The following CNIH4 variants were observed in gnomAD, a reference collection of about 807,000 sequenced individuals.
The protein encoded by CNIH4 is protein cornichon homolog 4.
A neutral mutation model predicts 21.5 loss-of-function variants in CNIH4; 9 were observed. The observed-to-expected ratio is 0.42, with a 90% CI of 0.25 to 0.73. CNIH4 has a LOEUF of 0.73. Among genes scored for constraint, CNIH4 ranks in the 30% least tolerant of loss-of-function variants. The pLI is 0.27. For missense variants in CNIH4, 159 were observed against 170.0 expected, an observed-to-expected ratio of 0.94 and a Z score of 0.36; for synonymous variants, 67 against 59.1, an observed-to-expected ratio of 1.13 and a Z score of -0.61.
chr1:224,370,725 T>C (rs773062449), intron 3 of CNIH4, among the ~76,000 whole-genome samples: 46 of 152,186 alleles, frequency 3.0e-4, no homozygotes, highest in Non-Finnish European at 6.3e-4. Flanking sequence ...GCATAAAATA[T>C]CCTTTTCTGG....
rs566075153 is a variant in CNIH4 at position 224,361,728 on chromosome 1, G to A, written c.138+1165G>A. ...CTCCCATGTAGGTGGGACTACAGGT[G>A]TGTGCCACCATACCTGGCTGATTTT... On this transcript the variant is annotated intron_variant, in intron 2 of 4. Transcript: ENST00000465271. Among the ~76,000 whole-genome samples the A allele has an allele frequency of 4.6e-5, 7 of 151,940 alleles. No homozygotes were observed. The East Asian group carries it at 1.4e-3, about 30-fold the overall frequency.
intron 1 of CNIH4, chr1:224,357,343 G>A: frequency 4.6e-6 from 1 of 216,120 alleles, no homozygotes; most frequent in East Asian, 1.1e-4. Flanking sequence ...AGCCACGGCC[G>A]CCCTCGGGAG....
Position 224,376,952 on chromosome 1 carries a change from G to A in CNIH4, c.*1130G>A, listed in dbSNP as rs2102873070. On this transcript the variant is annotated 3_prime_UTR_variant, in exon 5 of 5. Transcript: ENST00000465271. ...TTTGGGCAAAACATGACTGTGTTCT[G>A]TGGGAGAATCCAAAGGCATTATTCA... 4.1e-6 allele frequency: 4 copies of A among 974,826 alleles called. No homozygotes were observed. Among genetic ancestry groups the A allele is most frequent in the Non-Finnish European group, 4.9e-6 (4 of 820,270 alleles). 60.4% of individuals were successfully genotyped at this position (974,826 alleles called of 1,614,324 possible). A position where few individuals can be genotyped will look rare whatever the true frequency, so the allele number is the denominator to read the frequency against.
chr1:224,359,323 T>C (rs1484521951), intron 1 of CNIH4, among the ~76,000 whole-genome samples: 1 of 152,192 alleles, frequency 6.6e-6, no homozygotes, highest in African/African-American at 2.4e-5. Flanking sequence ...ATAAACCAAC[T>C]GGATAGGGTC....
At chr1:224,360,403 C>T in intron 1 of CNIH4, 92 bp from the exon 2 acceptor site, 1 of 619,914 alleles carries the variant, frequency 1.6e-6, no homozygotes, top group Non-Finnish European at 2.6e-6. Context: ...CAAGTCAAAT[C>T]TAATTCTGCC....
chr1:224,368,827 T>G (rs1186158045), intron 3 of CNIH4, among the ~76,000 whole-genome samples: 1 of 151,928 alleles, frequency 6.6e-6, no homozygotes, highest in Non-Finnish European at 1.5e-5. Context: ...CAGCCACAGC[T>G]GCACTATTTG....
rs548252040 is a variant in CNIH4 at position 224,371,579 on chromosome 1, T to C, written c.392+156T>C. 2.0e-5 allele frequency among the ~76,000 whole-genome samples: 3 copies of C among 152,316 alleles called. No individual in the cohort carries two copies. The East Asian group carries it at 5.8e-4, about 29-fold the overall frequency. On this transcript the variant is annotated intron_variant, in intron 4 of 4. Transcript: ENST00000465271. ...TAGATTATTTATGTATGTCATTGAA[T>C]CAGCTTTCTGTCTGAACTACAGTAG...
intron 4 of CNIH4, among the ~76,000 whole-genome samples, chr1:224,373,391 C>T (rs906095212): frequency 6.6e-6 from 1 of 152,192 alleles, no homozygotes; most frequent in Admixed American, 6.5e-5. Context: ...GCAGGCATCT[C>T]CTGGGGGCGG....
At chr1:224,369,848 G>A (rs754356307) in intron 3 of CNIH4, among the ~76,000 whole-genome samples, 1 of 151,794 alleles carries the variant, frequency 6.6e-6, no homozygotes, top group Non-Finnish European at 1.5e-5. Flanking sequence ...GGCTAATTTT[G>A]TATTTTTAGT....
At chr1:224,371,473 G>C (rs2102865746) in intron 4 of CNIH4, 50 bp downstream of exon 4, 1 of 1,563,742 alleles carries the variant, frequency 6.4e-7, no homozygotes, top group East Asian at 2.2e-5. Context: ...TGTTTTTGAA[G>C]GGTGAGATAT....
chr1:224,367,402 C>T (rs1672495519), intron 3 of CNIH4, among the ~76,000 whole-genome samples: 1 of 152,094 alleles, frequency 6.6e-6, no homozygotes, highest in African/African-American at 2.4e-5. Flanking sequence ...GGTCATGAAA[C>T]TAGAATCTGA....
At chr1:224,367,739 T>C (rs1672508162) in intron 3 of CNIH4, among the ~76,000 whole-genome samples, 1 of 152,164 alleles carries the variant, frequency 6.6e-6, no homozygotes, top group Non-Finnish European at 1.5e-5. Context: ...ATCAGTTCCA[T>C]AGACCAACGC....
At chr1:224,369,610 C>T (rs12078630) in intron 3 of CNIH4, among the ~76,000 whole-genome samples, 148,646 of 151,562 alleles carry the variant, frequency 0.98, 72,960 homozygotes, top group East Asian at 1. Context: ...AAAAGTATAA[C>T]TGGATCGTTT....
At chr1:224,371,536 A>G in intron 4 of CNIH4, 113 bp downstream of exon 4, 1 of 1,037,548 alleles carries the variant, frequency 9.6e-7, no homozygotes. Context: ...GGGATTATGT[A>G]AATTCCTTGT....
intron 1 of CNIH4, 162 bp downstream of exon 1, chr1:224,357,155 G>A: frequency 1.4e-6 from 1 of 721,060 alleles, no homozygotes; most frequent in Non-Finnish European, 2.3e-6. Context: ...GCCCCGGAGC[G>A]GGTAGGAGAG....
At chr1:224,357,291 G>C (rs1281474467) in intron 1 of CNIH4, 3 of 309,132 alleles carry the variant, frequency 9.7e-6, no homozygotes, top group Non-Finnish European at 1.8e-5. Flanking sequence ...CTGCCCGCCT[G>C]CTCTCCGCTC....
At chr1:224,365,215 C>G (rs907260847) in intron 2 of CNIH4, among the ~76,000 whole-genome samples, 4 of 152,128 alleles carry the variant, frequency 2.6e-5, no homozygotes, top group Non-Finnish European at 4.4e-5. Flanking sequence ...AATCTGTACT[C>G]ATAGGAAAGG....
At chr1:224,362,773 C>T (rs1295565568) in intron 2 of CNIH4, among the ~76,000 whole-genome samples, 1 of 152,104 alleles carries the variant, frequency 6.6e-6, no homozygotes, top group Admixed American at 6.5e-5. Flanking sequence ...AGCCACTGTG[C>T]CTGGCCCTCT....
At chr1:224,371,549 C>T (rs1672629305) in intron 4 of CNIH4, 126 bp downstream of exon 4, 1 of 909,732 alleles carries the variant, frequency 1.1e-6, no homozygotes, top group East Asian at 2.5e-5. Context: ...TTCCTTGTGG[C>T]TGTGTAGATT....
Sources: allele counts gnomAD v4.1 joint callset (sites outside exome capture counted in the v4.1 genomes callset), GRCh38; gene constraint gnomAD v4.1.1; transcripts MANE v1.5; gene names NCBI Gene and HGNC (gene_info 2026-07-23, HGNC 2026-07-21).